The following PPP4R4 variants were observed in gnomAD, a reference collection of about 807,000 sequenced individuals.
PPP4R4 encodes serine/threonine-protein phosphatase 4 regulatory subunit 4.
In PPP4R4, 70 loss-of-function variants were observed where a neutral mutation model predicts 121.8. That is an observed-to-expected ratio of 0.57 (90% CI 0.47 to 0.70). The LOEUF (loss-of-function observed/expected upper bound fraction) is 0.70, where lower values mean the gene tolerates loss of function less well. Ranked by LOEUF, PPP4R4 falls within the 30% of genes least tolerant of loss-of-function variation. The pLI, the probability that PPP4R4 is intolerant of heterozygous loss-of-function variation, is 0.00. For synonymous variants in PPP4R4, 348 were observed against 355.7 expected (o/e 0.98, Z 0.24); for missense variants, 875 against 1,033.6 (o/e 0.85, Z 2.10).
chr14:94,237,443 G>A (rs1458179437), intron 7 of PPP4R4, 122 bp from the exon 8 acceptor site: 6 of 850,104 alleles, frequency 7.1e-6, no homozygotes, highest in East Asian at 5.4e-5. Context: ...CTGGAGAGCA[G>A]GAACAGTATC....
At position 94,187,325 on chromosome 14, in the gene PPP4R4, T is replaced by C. The variant is rs184912853; in HGVS notation, c.191+11198T>C. Among the ~76,000 whole-genome samples the C allele has an allele frequency of 2.6e-5, 4 of 152,146 alleles. No individual in the cohort carries two copies. The East Asian group carries it at 7.7e-4, about 29-fold the overall frequency. Reference sequence around the variant, plus strand: ...TGTCTCGGAAAAAAAAGAAAAAAAATATGTTGTTCTGAAATCTACTTTAAT... The same window carrying C: ...TGTCTCGGAAAAAAAAGAAAAAAAACATGTTGTTCTGAAATCTACTTTAAT... On this transcript the variant is annotated intron_variant, in intron 2 of 24. Coordinates refer to ENST00000304338, the MANE Select transcript of PPP4R4 (RefSeq NM_058237.2).
chr14:94,263,412 A>G (rs1950645), intron 19 of PPP4R4, among the ~76,000 whole-genome samples: 35,916 of 152,032 alleles, frequency 0.24, 5,096 homozygotes, highest in East Asian at 0.59. Context: ...AGCCTATCCA[A>G]TTAATTTTTT....
At chr14:94,248,994 A>T (rs1424191806) in intron 14 of PPP4R4, among the ~76,000 whole-genome samples, 1 of 151,674 alleles carries the variant, frequency 6.6e-6, no homozygotes, top group East Asian at 2.0e-4. Flanking sequence ...AACTTCTTTA[A>T]GCTGGCTCTT....
intron 3 of PPP4R4, among the ~76,000 whole-genome samples, chr14:94,219,359 C>G (rs1891259789): frequency 6.6e-6 from 1 of 151,958 alleles, no homozygotes; most frequent in African/African-American, 2.4e-5. Context: ...AGCTACCGTG[C>G]CTGGCTGTAA....
intron 23 of PPP4R4, among the ~76,000 whole-genome samples, chr14:94,270,384 C>G (rs754599947): frequency 6.6e-6 from 1 of 151,950 alleles, no homozygotes; most frequent in Non-Finnish European, 1.5e-5. Flanking sequence ...TAAGCTGATT[C>G]TAAAAATCTG....
At chr14:94,234,782 A>G in intron 7 of PPP4R4, 113 bp downstream of exon 7, 1 of 759,920 alleles carries the variant, frequency 1.3e-6, no homozygotes, top group Non-Finnish European at 2.2e-6. Context: ...CTGGATTAAA[A>G]GAGATAAAGA....
intron 23 of PPP4R4, among the ~76,000 whole-genome samples, chr14:94,273,552 A>G (rs1894460128): frequency 2.6e-5 from 4 of 152,134 alleles, no homozygotes; most frequent in South Asian, 2.1e-4. Context: ...TCAATTATAT[A>G]TTGTCCAAAT....
chr14:94,208,982 A>G (rs924235371), intron 3 of PPP4R4, among the ~76,000 whole-genome samples: 2 of 152,130 alleles, frequency 1.3e-5, no homozygotes, highest in East Asian at 3.9e-4. Context: ...GAATCATCAG[A>G]TAAAGATTGA....
intron 19 of PPP4R4, 51 bp downstream of exon 19, chr14:94,259,420 G>A (rs1893655210): frequency 1.4e-6 from 2 of 1,444,760 alleles, no homozygotes; most frequent in Non-Finnish European, 1.8e-6. Flanking sequence ...ATTAATAACT[G>A]TGTTTTTTTA....
At chr14:94,275,909 G>T (rs1894612619) in intron 24 of PPP4R4, among the ~76,000 whole-genome samples, 1 of 152,170 alleles carries the variant, frequency 6.6e-6, no homozygotes, top group South Asian at 2.1e-4. Flanking sequence ...TGTCACTTAA[G>T]AAATAAGTGG....
intron 7 of PPP4R4, among the ~76,000 whole-genome samples, chr14:94,236,059 A>C (rs1892330804): frequency 6.6e-6 from 1 of 152,106 alleles, no homozygotes; most frequent in African/African-American, 2.4e-5. Context: ...AGAGTGTCAC[A>C]CAGGGTATGG....
intron 3 of PPP4R4, among the ~76,000 whole-genome samples, chr14:94,221,955 A>C (rs2139498847): frequency 6.6e-6 from 1 of 152,204 alleles, no homozygotes; most frequent in East Asian, 1.9e-4. Flanking sequence ...AATATCAGTC[A>C]ACTGTTGATG....
chr14:94,198,782 C>T (rs1259934912), intron 2 of PPP4R4, among the ~76,000 whole-genome samples: 1 of 152,204 alleles, frequency 6.6e-6, no homozygotes, highest in Non-Finnish European at 1.5e-5. Flanking sequence ...AAAAGATTAT[C>T]ATCTCCTCAT....
intron 2 of PPP4R4, among the ~76,000 whole-genome samples, chr14:94,181,218 TTGTG>T (rs143185145): frequency 6.6e-6 from 1 of 151,494 alleles, no homozygotes. Context: ...GAGGCATGGT[TTGTG>T]TGTGTGTGTA....
At chr14:94,259,204 C>T (rs1242754981) in intron 18 of PPP4R4, 91 bp from the exon 19 acceptor site, 1 of 1,511,036 alleles carries the variant, frequency 6.6e-7, no homozygotes, top group East Asian at 2.5e-5. Context: ...GACACAGAGT[C>T]AAACCATATC....
At chr14:94,235,796 T>A (rs73344808) in intron 7 of PPP4R4, among the ~76,000 whole-genome samples, 4,667 of 152,122 alleles carry the variant, frequency 0.031, 195 homozygotes, top group African/African-American at 0.09. Context: ...ATCTTAGAAG[T>A]GTGATATTAA....
intron 2 of PPP4R4, among the ~76,000 whole-genome samples, chr14:94,199,209 T>C (rs181491134): frequency 2.0e-5 from 3 of 152,376 alleles, no homozygotes; most frequent in Admixed American, 2.0e-4. Context: ...GGTCTACAAA[T>C]CTTAAACATC....
intron 17 of PPP4R4, among the ~76,000 whole-genome samples, chr14:94,257,493 A>G (rs1310016470): frequency 1.3e-5 from 2 of 152,080 alleles, no homozygotes; most frequent in Non-Finnish European, 2.9e-5. Context: ...TCTAGAAATC[A>G]TTGCCAGATG....
chr14:94,187,436 A>G (rs1275655720), intron 2 of PPP4R4, among the ~76,000 whole-genome samples: 1 of 152,228 alleles, frequency 6.6e-6, no homozygotes, highest in African/African-American at 2.4e-5. Flanking sequence ...TTTAAATTTC[A>G]GAATAATTTT....
Sources: gnomAD v4.1 joint callset for allele counts (sites outside exome capture counted in the v4.1 genomes callset) on GRCh38, gnomAD v4.1.1 for gene constraint, MANE v1.5 for transcripts, NCBI Gene and HGNC (gene_info 2026-07-23, HGNC 2026-07-21) for gene names.